ASPM: variants seen among roughly 807,000 people sequenced by gnomAD.
ASPM encodes the protein abnormal spindle-like microcephaly-associated protein.
ASPM carries 256 observed loss-of-function variants against 366.4 expected under a neutral mutation model. The observed-to-expected ratio is 0.70, with a 90% CI of 0.63 to 0.77. The LOEUF is 0.77. Ranked by LOEUF, ASPM falls within the 30% of genes least tolerant of loss-of-function variation. The pLI is 0.00. For synonymous variants in ASPM, 1,414 were observed against 1,342.9 expected, an observed-to-expected ratio of 1.05 and a Z score of -1.16; for missense variants, 4,146 against 4,090.4, an observed-to-expected ratio of 1.01 and a Z score of -0.37.
chr1:197,140,968 AAAATGCAATAC>A (rs1223120349), intron 3 of ASPM, among the ~76,000 whole-genome samples: 12 of 152,226 alleles, frequency 7.9e-5, no homozygotes, highest in Admixed American at 7.9e-4. Flanking sequence ...GCTATCAAAG[AAAATGCAATAC>A]AAATTGCAGT....
chr1:197,122,294 A>G lies in ASPM; in HGVS notation c.3606T>C (p.Thr1202=), dbSNP rs753252101. The stretch of plus-strand genomic sequence containing the variant: ...CTAGGAGCTCTTTGTATAGCTCTGA[A>G]GTATTTTCTATTATGCAGGAGGAAA... ...MSLKAFDHEN[T]SELYKELLEN... is the part of the protein sequence containing the mutation. Residue 1202 remains threonine (T), a synonymous_variant, in exon 15 of 28, where the codon ACT becomes ACC. Transcript: ENST00000367409. The G allele has an allele frequency of 2.5e-6, 4 of 1,613,654 alleles. No individual in the cohort carries two copies. In the African/African-American group the frequency reaches 5.3e-5, roughly 22 times the overall value.
At position 197,143,201 on chromosome 1, in the gene ASPM, C is replaced by T. The variant is rs200881457; in HGVS notation, c.1051G>A (p.Val351Met). 7 of 1,613,498 alleles carry T rather than the reference C, an allele frequency of 4.3e-6. No individual in the cohort carries two copies. In the East Asian group the frequency reaches 1.6e-4, roughly 36 times the overall value. ...DMFMKDNSQP[V>M]HLESTIAHEI... is the part of the protein sequence containing the mutation. ...TGTGCAATTGTTGATTCCAAATGCA[C>T]AGGCTGTGAATTATCTTTCATAAAC... Residue 351 changes from valine (V) to methionine (M), a missense_variant, in exon 3 of 28, where the codon GTG (valine) becomes ATG (methionine). Physicochemically the swap from Val to Met is conservative, Grantham distance 21. Coordinates refer to ENST00000367409, the MANE Select transcript of ASPM (RefSeq NM_018136.5).
chr1:197,128,375 TACTAAA>T, intron 10 of ASPM, 109 bp downstream of exon 10: 2 of 1,051,326 alleles, frequency 1.9e-6, no homozygotes, highest in Non-Finnish European at 2.9e-6. Context: ...TTTTTTTCAG[TACTAAA>T]TTTATTGTAC....
At position 197,121,947 on chromosome 1, in the gene ASPM, A is replaced by G. The variant is rs1327523418; in HGVS notation, c.3838T>C (p.Tyr1280His). The change falls in exon 16 of 28, where the codon TAT (tyrosine) becomes CAT (histidine). Residue 1280 changes from tyrosine to histidine, a missense_variant. Physicochemically the swap from Tyr to His is moderately conservative, Grantham distance 83. Transcript: ENST00000367409. ...ARLIQTTWRKYKLKTDLKRHQ... is the reference protein window; with the variant it reads ...ARLIQTTWRKHKLKTDLKRHQ... Reference sequence around the variant, plus strand: ...CGTTTGAGATCTGTTTTTAGTTTATATTTTCTCCATGTTGTTTGTATGAGT... The same window carrying G: ...CGTTTGAGATCTGTTTTTAGTTTATGTTTTCTCCATGTTGTTTGTATGAGT... 3 of 1,611,454 alleles carry G rather than the reference A, an allele frequency of 1.9e-6. No individual in the cohort carries two copies. The East Asian group carries it at 6.7e-5, about 36-fold the overall frequency.
rs780235694 is a variant in ASPM at position 197,104,507 on chromosome 1, G to A, written c.4744C>T (p.Leu1582Phe). The A allele has an allele frequency of 9.3e-6, 15 of 1,612,316 alleles. No individual in the cohort carries two copies. In the South Asian group the frequency reaches 1.5e-4, roughly 17 times the overall value. ...MRQDRVRFLN[L>F]KKTIIKFQAH... ...TGAAATTTGATAATAGTCTTCTTAA[G>A]GTTTAAAAATCGAACTCTGTCTTGT... Residue 1582 changes from leucine to phenylalanine, a missense_variant, in exon 18 of 28, where the codon CTT becomes TTT. Physicochemically the swap from Leu to Phe is conservative, Grantham distance 22. Coordinates refer to ENST00000367409, the MANE Select transcript of ASPM (RefSeq NM_018136.5).
chr1:197,110,977 T>C (rs1657566703), intron 17 of ASPM, among the ~76,000 whole-genome samples: 1 of 151,872 alleles, frequency 6.6e-6, no homozygotes, highest in African/African-American at 2.4e-5. Context: ...CCCAAACCAA[T>C]AAAAACCCTA....
intron 15 of ASPM, 36 bp from the exon 16 acceptor site, chr1:197,122,079 CA>C: frequency 6.2e-7 from 1 of 1,604,592 alleles, no homozygotes; most frequent in Non-Finnish European, 8.5e-7. Flanking sequence ...AACAGAATAT[CA>C]ACAGAGAATA....
chr1:197,094,821 G>A (rs2125090398), intron 19 of ASPM, among the ~76,000 whole-genome samples: 1 of 151,816 alleles, frequency 6.6e-6, no homozygotes, highest in East Asian at 1.9e-4. Context: ...TGAGTAGCTT[G>A]TTTTGTTGCC....
intron 17 of ASPM, among the ~76,000 whole-genome samples, chr1:197,109,787 G>C (rs1318328186): frequency 6.6e-6 from 1 of 151,854 alleles, no homozygotes; most frequent in Non-Finnish European, 1.5e-5. Flanking sequence ...ATATGTTAAA[G>C]GGTTAACATA....
In ASPM at chr1:197,100,422, T is replaced by A. The variant is rs1312073943; in HGVS notation, c.8820+9A>T. 2 of 1,460,112 alleles carry A rather than the reference T, an allele frequency of 1.4e-6. No individual in the cohort carries two copies. Among genetic ancestry groups the A allele is most frequent in the Admixed American group, 2.2e-5 (1 of 45,152 alleles). The allele number at this position is 1,460,112 out of a possible 1,614,324, so 90.4% of individuals were successfully genotyped here. A position where few individuals can be genotyped will look rare whatever the true frequency, so the allele number is the denominator to read the frequency against. ...CACAGTTTTATATTTAAATTAAATA[T>A]AGAAATACCTGAATTTTTATGGTGC... On this transcript the variant is annotated intron_variant, in intron 18 of 27. Transcript: ENST00000367409.
chr1:197,134,349 C>T (rs1004169439), intron 5 of ASPM, among the ~76,000 whole-genome samples: 3 of 151,980 alleles, frequency 2.0e-5, no homozygotes, highest in Non-Finnish European at 4.4e-5. Flanking sequence ...GAAGTGGAGG[C>T]TGCAGTGACC....
rs561505283 is a variant in ASPM at position 197,144,166 on chromosome 1, T to C, written c.298-66A>G. ...TACATAATAACCAAAACACCTTATA[T>C]ACAACTTACAATATAGTAGGGCTTA... On this transcript the variant is annotated intron_variant, in intron 1 of 27. Coordinates refer to ENST00000367409, the MANE Select transcript of ASPM (RefSeq NM_018136.5). The C allele has an allele frequency of 1.4e-3, 1,544 of 1,121,630 alleles. 4 individuals carry two copies. The highest frequency in any genetic ancestry group is 1.9e-3 in the Non-Finnish European group (1,402 of 744,248). 69.5% of individuals were successfully genotyped at this position (1,121,630 alleles called of 1,614,324 possible).
chr1:197,100,972 T>G lies in ASPM; in HGVS notation c.8279A>C (p.Asn2760Thr), dbSNP rs758282756. 1 of 1,612,560 alleles carries G rather than the reference T, an allele frequency of 6.2e-7. No homozygotes were observed. Among genetic ancestry groups the G allele is most frequent in the South Asian group, 1.1e-5 (1 of 91,054 alleles). ...RGMKVRQKLKNVSEEKMAAIV... is the reference protein window; with the variant it reads ...RGMKVRQKLKTVSEEKMAAIV... ...GGCTGCCATCTTTTCCTCTGATACA[T>G]TTTTCAATTTTTGTCTAACTTTCAT... is the stretch of plus-strand genomic sequence containing the variant. Residue 2760 changes from asparagine to threonine, a missense_variant, in exon 18 of 28, where the codon AAT becomes ACT. By Grantham distance (65) the Asn-to-Thr change is moderately conservative. This residue lies in a region of ASPM where 3,624 missense variants were observed against 3,591.7 expected (regional missense o/e 1.01). Coordinates refer to ENST00000367409, the MANE Select transcript of ASPM (RefSeq NM_018136.5).
In ASPM at chr1:197,103,174, G is replaced by C. The variant is rs749891273; in HGVS notation, c.6077C>G (p.Thr2026Ser). The change falls in exon 18 of 28, where the codon ACT (threonine) becomes AGT (serine). Residue 2026 changes from threonine to serine, a missense_variant. Physicochemically the swap from Thr to Ser is moderately conservative, Grantham distance 58. This residue lies in a region of ASPM where 3,624 missense variants were observed against 3,591.7 expected (regional missense o/e 1.01). Coordinates refer to ENST00000367409, the MANE Select transcript of ASPM (RefSeq NM_018136.5). ...CATACCACGATAAGCTGACTGTAAA[G>C]TTACTACAGCTGCTTTTGTTTTCAA... ...LYLKTKAAVVTLQSAYRGMKV... is the reference protein window; with the variant it reads ...LYLKTKAAVVSLQSAYRGMKV... The C allele has an allele frequency of 1.9e-6, 3 of 1,612,608 alleles. No individual in the cohort carries two copies. Among genetic ancestry groups the C allele is most frequent in the South Asian group, 1.1e-5 (1 of 91,046 alleles).
At chr1:197,115,866 C>G (rs1657723192) in intron 17 of ASPM, among the ~76,000 whole-genome samples, 1 of 152,098 alleles carries the variant, frequency 6.6e-6, no homozygotes, top group Non-Finnish European at 1.5e-5. Context: ...CTTAAGGGTC[C>G]TAGGATTTTC....
chr1:197,124,653 C>T (rs1658027161), intron 12 of ASPM, among the ~76,000 whole-genome samples: 1 of 151,710 alleles, frequency 6.6e-6, no homozygotes, highest in African/African-American at 2.4e-5. Context: ...GTAGACATAA[C>T]ACCTACTTTG....
chr1:197,133,254 C>A (rs554587416), intron 6 of ASPM, 96 bp downstream of exon 6: 2 of 1,316,114 alleles, frequency 1.5e-6, no homozygotes, highest in South Asian at 1.5e-5. Flanking sequence ...CCAGTTTTAC[C>A]TGTCAATTAT....
chr1:197,098,254 T>C lies in ASPM; in HGVS notation c.8821-2090A>G, dbSNP rs1320715750. Among the ~76,000 whole-genome samples the C allele has an allele frequency of 2.0e-5, 3 of 151,332 alleles. 1 individual carries two copies. Among genetic ancestry groups the C allele is most frequent in the East Asian group, 3.9e-4 (2 of 5,120 alleles). On this transcript the variant is annotated intron_variant, in intron 18 of 27. Transcript: ENST00000367409. ...TAAGTATTTAGTAATGTATACTATA[T>C]CCCAGTGGCTCCCAAACTTCGCTGC...
At chr1:197,119,785 G>C (rs1024331203) in intron 16 of ASPM, among the ~76,000 whole-genome samples, 2 of 151,952 alleles carry the variant, frequency 1.3e-5, no homozygotes, top group African/African-American at 4.8e-5. Flanking sequence ...AATGTACCAG[G>C]GGATGCTTCA....
Sources: gnomAD v4.1 joint callset for allele counts (sites outside exome capture counted in the v4.1 genomes callset) on GRCh38, gnomAD v4.1.1 for gene constraint, gnomAD v4.1.1 regional missense constraint, MANE v1.5 for transcripts, NCBI Gene and HGNC (gene_info 2026-07-23, HGNC 2026-07-21) for gene names.